HEG1: variants seen among roughly 807,000 people sequenced by gnomAD.
HEG1 encodes the protein protein HEG homolog 1.
Under a neutral mutation model 125.6 loss-of-function variants are expected in HEG1, and 56 were observed. The ratio of observed to expected loss-of-function variants is 0.45; its 90% CI spans 0.36 to 0.56. The LOEUF (loss-of-function observed/expected upper bound fraction) is 0.56, where lower values mean the gene tolerates loss of function less well. Ranked by LOEUF, HEG1 falls within the 20% of genes least tolerant of loss-of-function variation. The probability of loss-of-function intolerance (pLI) is 0.00; values close to 1 mark genes in which losing one functional copy is unlikely to be tolerated. For synonymous variants in HEG1, 644 were observed against 668.5 expected, an observed-to-expected ratio of 0.96 and a Z score of 0.57; for missense variants, 1,523 against 1,670.0, an observed-to-expected ratio of 0.91 and a Z score of 1.53.
chr3:125,012,074 A>G (rs1037067282), intron 6 of HEG1, among the ~76,000 whole-genome samples: 10 of 152,200 alleles, frequency 6.6e-5, no homozygotes, highest in African/African-American at 2.4e-4. Flanking sequence ...CTAGCCACAC[A>G]CTCTTTCGGA....
intron 14 of HEG1, among the ~76,000 whole-genome samples, chr3:124,987,459 A>T (rs1036943903): frequency 1.3e-5 from 2 of 151,194 alleles, no homozygotes; most frequent in Middle Eastern, 3.5e-3. Context: ...AGTTTCTTGC[A>T]CACGTGATAC....
chr3:125,020,014 T>C (rs1445320693), intron 4 of HEG1, among the ~76,000 whole-genome samples: 5 of 152,208 alleles, frequency 3.3e-5, no homozygotes, highest in African/African-American at 9.6e-5. Flanking sequence ...TACCAAAGTA[T>C]AGCAAAAACA....
intron 1 of HEG1, among the ~76,000 whole-genome samples, chr3:125,035,247 T>C (rs982935600): frequency 2.0e-5 from 3 of 147,338 alleles, no homozygotes; most frequent in Non-Finnish European, 4.5e-5. Flanking sequence ...CTTACAGAAG[T>C]GGTAATATTT....
chr3:124,996,555 C>T (rs1936926228), intron 12 of HEG1, among the ~76,000 whole-genome samples: 1 of 152,216 alleles, frequency 6.6e-6, no homozygotes, highest in Non-Finnish European at 1.5e-5. Flanking sequence ...TGGCCCTCCC[C>T]TTCAAAACCC....
chr3:125,046,043 A>G (rs1391631702), intron 1 of HEG1, among the ~76,000 whole-genome samples: 1 of 152,114 alleles, frequency 6.6e-6, no homozygotes, highest in Non-Finnish European at 1.5e-5. Context: ...CTCATTTTTA[A>G]TATGAGGAAA....
intron 3 of HEG1, 66 bp from the exon 4 acceptor site, chr3:125,021,196 G>C: frequency 8.2e-7 from 1 of 1,224,948 alleles, no homozygotes; most frequent in Non-Finnish European, 1.1e-6. Context: ...CTATATTCGA[G>C]ATACAAATGA....
intron 12 of HEG1, 129 bp from the exon 13 acceptor site, chr3:124,991,115 A>G: frequency 1.5e-6 from 1 of 686,310 alleles, no homozygotes; most frequent in Non-Finnish European, 2.5e-6. Flanking sequence ...CTGCTTTGGA[A>G]TGATCCTCAC....
At chr3:125,038,920 C>T (rs139369110) in intron 1 of HEG1, among the ~76,000 whole-genome samples, 2,018 of 152,250 alleles carry the variant, frequency 0.013, 33 homozygotes, top group African/African-American at 0.046. Context: ...TGGGAGGGGG[C>T]ACCCTGGAGG....
intron 1 of HEG1, among the ~76,000 whole-genome samples, chr3:125,035,248 G>T (rs1235656598): frequency 6.8e-6 from 1 of 147,410 alleles, no homozygotes; most frequent in Admixed American, 6.8e-5. Flanking sequence ...TTACAGAAGT[G>T]GTAATATTTT....
At chr3:125,035,793 A>C (rs1262196858) in intron 1 of HEG1, among the ~76,000 whole-genome samples, 1 of 152,232 alleles carries the variant, frequency 6.6e-6, no homozygotes. Context: ...TCATTTGTGA[A>C]ATTAATAAAA....
rs1937419059 is a variant in HEG1, at chr3:125,026,609, A to C, written c.913+596T>G. Among the ~76,000 whole-genome samples the C allele has an allele frequency of 1.3e-5, 2 of 152,168 alleles. 1 individual carries two copies. Among genetic ancestry groups the C allele is most frequent in the Non-Finnish European group, 2.9e-5 (2 of 68,022 alleles). On this transcript the variant is annotated intron_variant, in intron 3 of 16. Transcript: ENST00000311127. ...TGTTTTCTTTACCATCGAAGGAAACATTTTTGCAATAATGAAGAAATAAAA... is the reference window on the plus strand; with the variant it reads ...TGTTTTCTTTACCATCGAAGGAAACCTTTTTGCAATAATGAAGAAATAAAA...
chr3:125,033,817 G>C (rs995997098), intron 1 of HEG1, among the ~76,000 whole-genome samples: 8 of 152,218 alleles, frequency 5.3e-5, no homozygotes, highest in African/African-American at 1.9e-4. Flanking sequence ...CCTCCTGACA[G>C]ATCAGCAGTG....
intron 8 of HEG1, among the ~76,000 whole-genome samples, chr3:125,008,993 T>C (rs1177019957): frequency 6.6e-6 from 1 of 152,254 alleles, no homozygotes; most frequent in Admixed American, 6.5e-5. Context: ...ACCAACCCGT[T>C]ACGTAAGCTT....
At chr3:125,025,614 T>A (rs911816034) in intron 3 of HEG1, among the ~76,000 whole-genome samples, 4 of 152,124 alleles carry the variant, frequency 2.6e-5, no homozygotes, top group African/African-American at 7.2e-5. Context: ...TCCAGTAAAG[T>A]TGGAAACATA....
At chr3:124,978,728 G>C (rs191055000) in intron 14 of HEG1, among the ~76,000 whole-genome samples, 1 of 151,654 alleles carries the variant, frequency 6.6e-6, no homozygotes, top group Non-Finnish European at 1.5e-5. Context: ...ATGGGTCCAG[G>C]AGACCGAGGT....
At chr3:125,031,349 A>G (rs1468274359) in intron 1 of HEG1, among the ~76,000 whole-genome samples, 1 of 152,184 alleles carries the variant, frequency 6.6e-6, no homozygotes. Flanking sequence ...TCCTTTCCCC[A>G]TACATCCAAA....
At position 125,005,266 on chromosome 3, in the gene HEG1, G is replaced by T. The variant is rs547195657; in HGVS notation, c.3296C>A (p.Thr1099Lys). 5 of 1,565,212 alleles carry T rather than the reference G, an allele frequency of 3.2e-6. No homozygotes were observed. In the South Asian group the frequency reaches 5.8e-5, roughly 18 times the overall value. The change falls in exon 9 of 17, where the codon ACG becomes AAG. Residue 1099 changes from threonine to lysine, a missense_variant and splice_region_variant. Transcript: ENST00000311127. Reference sequence around the variant, plus strand: ...AAAGATGCCATTCAGGACACTTACCGTTTTGGTGATCTCATTTTCAACTTC... The same window carrying T: ...AAAGATGCCATTCAGGACACTTACCTTTTTGGTGATCTCATTTTCAACTTC... ...LQEVENEITK[T>K]LNMCFSALPS...
chr3:125,055,951 G>GGCAGCGA lies in HEG1; in HGVS notation c.-62_-61insTCGCTGC. The GGCAGCGA allele has an allele frequency of 2.3e-6, 2 of 869,616 alleles. No homozygotes were observed. The highest frequency in any genetic ancestry group is 2.8e-6 in the Non-Finnish European group (2 of 725,912). The allele number at this position is 869,616 out of a possible 1,614,324, so 53.9% of individuals were successfully genotyped here. ...CGCGGGGCGAGGGCAGCGGGCAGCGGGCAGCGGGCGGCGGGGGCCGCGCGG... is the reference window on the plus strand; with the variant it reads ...CGCGGGGCGAGGGCAGCGGGCAGCGGGCAGCGAGCAGCGGGCGGCGGGGGCCGCGCGG... On this transcript the variant is annotated 5_prime_UTR_variant, in exon 1 of 17. Coordinates refer to ENST00000311127, the MANE Select transcript of HEG1 (RefSeq NM_020733.2).
At chr3:125,051,548 C>A (rs982196178) in intron 1 of HEG1, among the ~76,000 whole-genome samples, 1 of 152,224 alleles carries the variant, frequency 6.6e-6, no homozygotes, top group Non-Finnish European at 1.5e-5. Context: ...AAATAACATC[C>A]CTCACGGGCT....
Sources: allele counts gnomAD v4.1 joint callset (sites outside exome capture counted in the v4.1 genomes callset), GRCh38; gene constraint gnomAD v4.1.1; transcripts MANE v1.5; gene names NCBI Gene and HGNC (gene_info 2026-07-23, HGNC 2026-07-21).